SLC44A5: variants seen among roughly 807,000 people sequenced by gnomAD.
SLC44A5 encodes the protein solute carrier family 44 member 5, also known as choline transporter-like protein 5.
In SLC44A5, 57 loss-of-function variants were observed where a neutral mutation model predicts 101.8. That is an observed-to-expected ratio of 0.56 (90% CI 0.45 to 0.70). The LOEUF is 0.70. Ranked by LOEUF, SLC44A5 falls within the 30% of genes least tolerant of loss-of-function variation. The probability of loss-of-function intolerance (pLI) is 0.00; values close to 1 mark genes in which losing one functional copy is unlikely to be tolerated. For synonymous variants in SLC44A5, 281 were observed against 290.9 expected, an observed-to-expected ratio of 0.97 and a Z score of 0.35; for missense variants, 737 against 853.1, an observed-to-expected ratio of 0.86 and a Z score of 1.70.
intron 2 of SLC44A5, chr1:75,537,985 G>A (rs955333802): frequency 1.3e-5 from 2 of 152,082 alleles, no homozygotes; most frequent in African/African-American, 4.8e-5. Context: ...TGTGCTATTG[G>A]AACCCAAAGA....
At chr1:75,625,035 G>A in the SLC44A5 span, among the ~76,000 whole-genome samples, 2 of 152,090 alleles carry the variant, frequency 1.3e-5, no homozygotes, top group East Asian at 1.9e-4. Flanking sequence ...AGCTACTGAT[G>A]TTCCAAAGTT....
At chr1:75,656,287 C>T in the SLC44A5 span, among the ~76,000 whole-genome samples, 1 of 152,176 alleles carries the variant, frequency 6.6e-6, no homozygotes, top group Non-Finnish European at 1.5e-5. Flanking sequence ...AAGAAATAGA[C>T]ACTTACATGT....
the SLC44A5 span, among the ~76,000 whole-genome samples, chr1:75,662,555 G>A: frequency 7.9e-5 from 12 of 152,184 alleles, no homozygotes; most frequent in African/African-American, 2.6e-4. Context: ...TGAAGTGATA[G>A]ATATCCCAAT....
intron 7 of SLC44A5, among the ~76,000 whole-genome samples, chr1:75,246,235 C>A (rs1437948029): frequency 6.6e-6 from 1 of 152,016 alleles, no homozygotes; most frequent in Non-Finnish European, 1.5e-5. Context: ...AAGGTTAAAA[C>A]ACCACATTTG....
chr1:75,315,293 CT>C (rs1655607209), intron 4 of SLC44A5, among the ~76,000 whole-genome samples: 1 of 152,060 alleles, frequency 6.6e-6, no homozygotes, highest in African/African-American at 2.4e-5. Flanking sequence ...AAATAAAAAG[CT>C]TTAGGGCACA....
intron 2 of SLC44A5, among the ~76,000 whole-genome samples, chr1:75,536,240 T>C (rs1338895162): frequency 6.6e-6 from 1 of 151,966 alleles, no homozygotes; most frequent in East Asian, 1.9e-4. Context: ...ATAATCATAA[T>C]AAAACTAATT....
intron 2 of SLC44A5, among the ~76,000 whole-genome samples, chr1:75,475,431 C>G (rs1483439537): frequency 1.3e-5 from 2 of 152,222 alleles, no homozygotes; most frequent in African/African-American, 4.8e-5. Flanking sequence ...TTAAACTCCT[C>G]TGAACAAGTA....
intron 1 of SLC44A5, among the ~76,000 whole-genome samples, chr1:75,562,664 G>A (rs1672583225): frequency 6.6e-6 from 1 of 152,026 alleles, no homozygotes; most frequent in Admixed American, 6.6e-5. Context: ...TTCAGCCCAG[G>A]TAACAGAGTG....
intron 3 of SLC44A5, among the ~76,000 whole-genome samples, chr1:75,384,904 C>T (rs1314047197): frequency 2.0e-5 from 3 of 151,072 alleles, no homozygotes; most frequent in African/African-American, 7.3e-5. Context: ...TTAAGAATCT[C>T]ACTCAAAACC....
chr1:75,554,446 T>C (rs1372692572), intron 1 of SLC44A5, among the ~76,000 whole-genome samples: 2 of 132,370 alleles, frequency 1.5e-5, no homozygotes, highest in Non-Finnish European at 3.1e-5. Context: ...CACTCCAGCC[T>C]GAGCAACAGA....
chr1:75,366,970 C>T (rs1659904100), intron 3 of SLC44A5, among the ~76,000 whole-genome samples: 1 of 151,944 alleles, frequency 6.6e-6, no homozygotes, highest in Admixed American at 6.6e-5. Context: ...ATCTTACATC[C>T]CATTGAGCCA....
At chr1:75,591,849 C>T (rs981979176) in intron 1 of SLC44A5, among the ~76,000 whole-genome samples, 2 of 150,918 alleles carry the variant, frequency 1.3e-5, no homozygotes, top group Non-Finnish European at 1.5e-5. Context: ...AAAAAAAAAC[C>T]TCCAAAAACT....
At chr1:75,483,978 C>G (rs1668015701) in intron 2 of SLC44A5, among the ~76,000 whole-genome samples, 1 of 152,128 alleles carries the variant, frequency 6.6e-6, no homozygotes, top group Admixed American at 6.5e-5. Flanking sequence ...ATGAGAACAG[C>G]AAGGGAGAAA....
At chr1:75,271,960 A>C (rs1333593913) in intron 6 of SLC44A5, among the ~76,000 whole-genome samples, 2 of 152,256 alleles carry the variant, frequency 1.3e-5, no homozygotes, top group East Asian at 1.9e-4. Context: ...CCTTTTCACC[A>C]CATACATGCC....
At chr1:75,439,273 G>C (rs1490985452) in intron 2 of SLC44A5, among the ~76,000 whole-genome samples, 1 of 152,042 alleles carries the variant, frequency 6.6e-6, no homozygotes, top group Non-Finnish European at 1.5e-5. Context: ...CTCAGTCTTA[G>C]GTTTCTCCAC....
chr1:75,350,085 C>T (rs988925508), intron 3 of SLC44A5, among the ~76,000 whole-genome samples: 1 of 152,064 alleles, frequency 6.6e-6, no homozygotes, highest in African/African-American at 2.4e-5. Context: ...CTACCGCGCC[C>T]CCCCCAACTC....
intron 3 of SLC44A5, among the ~76,000 whole-genome samples, chr1:75,358,073 A>G: frequency 6.6e-6 from 1 of 152,048 alleles, no homozygotes; most frequent in African/African-American, 2.4e-5. Context: ...CTTAGGAAAG[A>G]TTTTTACTAC....
chr1:75,603,119 A>G (rs1675080085), intron 1 of SLC44A5, among the ~76,000 whole-genome samples: 1 of 151,696 alleles, frequency 6.6e-6, no homozygotes, highest in Non-Finnish European at 1.5e-5. Context: ...TCATTTGTCA[A>G]CCCTTTCCCC....
At chr1:75,460,484 T>C (rs1355837307) in intron 2 of SLC44A5, among the ~76,000 whole-genome samples, 1 of 152,222 alleles carries the variant, frequency 6.6e-6, no homozygotes, top group Non-Finnish European at 1.5e-5. Context: ...AAACGTTTTA[T>C]GAAACTGGAA....
Sources: gnomAD v4.1 joint callset for allele counts (sites outside exome capture counted in the v4.1 genomes callset) on GRCh38, gnomAD v4.1.1 for gene constraint, MANE v1.5 for transcripts, NCBI Gene and HGNC (gene_info 2026-07-23, HGNC 2026-07-21) for gene names.